Variants in DOCK5 observed in about 807,000 individuals in gnomAD.
The protein encoded by DOCK5 is dedicator of cytokinesis 5.
In DOCK5, 142 loss-of-function variants were observed where a neutral mutation model predicts 251.8. The observed-to-expected ratio is 0.56, with a 90% confidence interval of 0.49 to 0.65. The LOEUF (loss-of-function observed/expected upper bound fraction) is 0.65. DOCK5 is among the 30% of genes least tolerant of loss of function. DOCK5 has a pLI of 0.00. For missense variants in DOCK5, 2,111 were observed against 2,312.3 expected, an observed-to-expected ratio of 0.91 and a Z score of 1.79; for synonymous variants, 842 against 835.5, an observed-to-expected ratio of 1.01 and a Z score of -0.13.
chr8:25,291,879 A>AG (rs1324652621), intron 5 of DOCK5, 145 bp from the exon 6 acceptor site: 2 of 905,390 alleles, frequency 2.2e-6, no homozygotes, highest in East Asian at 5.7e-5. Flanking sequence ...TCACAAAAAA[A>AG]AAAAAAAAAA....
intron 21 of DOCK5, among the ~76,000 whole-genome samples, chr8:25,335,289 A>C (rs1805776859): frequency 6.6e-6 from 1 of 152,184 alleles, no homozygotes; most frequent in Non-Finnish European, 1.5e-5. Flanking sequence ...AATAGCTACA[A>C]ATGAGGAAAT....
chr8:25,247,938 A>G (rs1160333810), intron 2 of DOCK5, among the ~76,000 whole-genome samples: 1 of 151,982 alleles, frequency 6.6e-6, no homozygotes, highest in East Asian at 1.9e-4. Context: ...GCTCTTCTTA[A>G]CTGCTACCAT....
intron 41 of DOCK5, among the ~76,000 whole-genome samples, chr8:25,389,618 T>TA (rs1157964988): frequency 6.6e-6 from 1 of 152,206 alleles, no homozygotes; most frequent in Non-Finnish European, 1.5e-5. Context: ...CAGGAGCGCT[T>TA]ACACTTGAGC....
chr8:25,242,415 A>ATC (rs1382297035), intron 1 of DOCK5, among the ~76,000 whole-genome samples: 3 of 152,210 alleles, frequency 2.0e-5, no homozygotes, highest in Non-Finnish European at 4.4e-5. Context: ...AAGGGGCTGT[A>ATC]TCATGTTACA....
chr8:25,291,953 A>G (rs1261841471), intron 5 of DOCK5, 71 bp from the exon 6 acceptor site: 5 of 1,391,094 alleles, frequency 3.6e-6, no homozygotes, highest in African/African-American at 2.9e-5. Context: ...AACAAATAAA[A>G]AAAGGATGTT....
chr8:25,305,467 G>A (rs1341396872), intron 11 of DOCK5, among the ~76,000 whole-genome samples: 2 of 152,060 alleles, frequency 1.3e-5, no homozygotes, highest in African/African-American at 4.8e-5. Context: ...GGTAGTCATG[G>A]GAGGGAGGCC....
rs958878659 is a variant in DOCK5 at position 25,377,555 on chromosome 8, G to A, written c.3936+131G>A. ...TCAGGGCACTGTCTCCAACGAGACTGCCCCCGCTTCAGATGCCATCTTCAA... is the reference window on the plus strand; with the variant it reads ...TCAGGGCACTGTCTCCAACGAGACTACCCCCGCTTCAGATGCCATCTTCAA... On this transcript the variant is annotated intron_variant, in intron 38 of 51. Transcript: ENST00000276440. 21 of 1,201,338 alleles carry A rather than the reference G, an allele frequency of 1.7e-5. No homozygotes were observed. In the South Asian group the frequency reaches 3.3e-4, roughly 19 times the overall value. The allele number at this position is 1,201,338 out of a possible 1,614,324, so 74.4% of individuals were successfully genotyped here.
intron 48 of DOCK5, among the ~76,000 whole-genome samples, chr8:25,404,223 C>CT (rs1222657399): frequency 2.0e-5 from 3 of 152,094 alleles, no homozygotes; most frequent in Non-Finnish European, 4.4e-5. Context: ...CTTCCCCACA[C>CT]TTTTTTTATA....
Position 25,210,262 on chromosome 8 carries a change from A to G in DOCK5, c.43+25311A>G, listed in dbSNP as rs1202657639. Among the ~76,000 whole-genome samples, 2 of 65,256 alleles carry G rather than the reference A, an allele frequency of 3.1e-5. 1 individual carries two copies. The highest frequency in any genetic ancestry group is 9.6e-5 in the Non-Finnish European group (2 of 20,768). 42.8% of individuals were successfully genotyped at this position (65,256 alleles called of 152,430 possible). ...CATGAGACACTGCATCTGGCCCTCT[A>G]TAACCTCTTGATGTGTGCATTCTAA... On this transcript the variant is annotated intron_variant, in intron 1 of 51. Transcript: ENST00000276440.
At chr8:25,288,336 G>A (rs914154686) in intron 5 of DOCK5, among the ~76,000 whole-genome samples, 4 of 152,214 alleles carry the variant, frequency 2.6e-5, no homozygotes, top group African/African-American at 7.2e-5. Flanking sequence ...CCATCTCCTT[G>A]AAGTGAATGG....
chr8:25,250,980 A>C (rs2117561199), intron 2 of DOCK5, among the ~76,000 whole-genome samples: 2 of 152,312 alleles, frequency 1.3e-5, no homozygotes, highest in Middle Eastern at 3.4e-3. Flanking sequence ...AAGTGCTTTG[A>C]AAAGTGCATA....
intron 27 of DOCK5, 32 bp from the exon 28 acceptor site, chr8:25,358,931 G>A: frequency 1.9e-6 from 3 of 1,594,866 alleles, no homozygotes; most frequent in South Asian, 1.1e-5. Flanking sequence ...GGTCTAAGGA[G>A]TCTTGGATTT....
At chr8:25,231,611 G>A (rs956597203) in intron 1 of DOCK5, among the ~76,000 whole-genome samples, 1 of 152,126 alleles carries the variant, frequency 6.6e-6, no homozygotes, top group African/African-American at 2.4e-5. Context: ...TTTCTATATA[G>A]ATAATCATGG....
intron 5 of DOCK5, among the ~76,000 whole-genome samples, chr8:25,291,436 A>G (rs1288268404): frequency 6.6e-6 from 1 of 152,186 alleles, no homozygotes; most frequent in Non-Finnish European, 1.5e-5. Flanking sequence ...TAATCCCAGC[A>G]CTTTGGGAGG....
chr8:25,214,646 A>T (rs1249358220), intron 1 of DOCK5, among the ~76,000 whole-genome samples: 2 of 152,252 alleles, frequency 1.3e-5, no homozygotes, highest in African/African-American at 4.8e-5. Context: ...CACTTCTCTT[A>T]AAGTGTGACT....
intron 11 of DOCK5, among the ~76,000 whole-genome samples, chr8:25,305,458 G>A (rs1804892842): frequency 6.6e-6 from 1 of 152,198 alleles, no homozygotes; most frequent in South Asian, 2.1e-4. Context: ...GTTTTATGTG[G>A]TAGTCATGGG....
At chr8:25,207,583 C>A (rs1483111841) in intron 1 of DOCK5, among the ~76,000 whole-genome samples, 1 of 152,180 alleles carries the variant, frequency 6.6e-6, no homozygotes, top group Non-Finnish European at 1.5e-5. Flanking sequence ...ATAAATGGAA[C>A]AGCAAAGTCT....
chr8:25,200,403 T>C (rs1801852480), intron 1 of DOCK5, among the ~76,000 whole-genome samples: 3 of 152,198 alleles, frequency 2.0e-5, no homozygotes, highest in Admixed American at 6.5e-5. Flanking sequence ...TTATAGCACA[T>C]GCATACAATG....
At chr8:25,342,869 T>TTTTTTA (rs1800267346) in intron 25 of DOCK5, among the ~76,000 whole-genome samples, 1 of 151,014 alleles carries the variant, frequency 6.6e-6, no homozygotes, top group Non-Finnish European at 1.5e-5. Flanking sequence ...CAGCTAATTT[T>TTTTTTA]TTTTTATTTT....
Sources: gnomAD v4.1 joint callset for allele counts (sites outside exome capture counted in the v4.1 genomes callset) on GRCh38, gnomAD v4.1.1 for gene constraint, MANE v1.5 for transcripts, NCBI Gene and HGNC (gene_info 2026-07-23, HGNC 2026-07-21) for gene names.